PTPRD: variants seen among roughly 807,000 people sequenced by gnomAD.
The protein encoded by PTPRD is receptor-type tyrosine-protein phosphatase delta.
PTPRD carries 34 observed loss-of-function variants against 214.5 expected under a neutral mutation model. The ratio of observed to expected loss-of-function variants is 0.16; its 90% CI spans 0.12 to 0.21. PTPRD has a LOEUF of 0.21. PTPRD is among the 10% of genes least tolerant of loss of function. The probability of loss-of-function intolerance (pLI) is 1.00; values close to 1 mark genes in which losing one functional copy is unlikely to be tolerated. For missense variants in PTPRD, 2,545 were observed against 2,398.7 expected (o/e 1.06, Z -1.27); for synonymous variants, 1,128 against 845.7 (o/e 1.33, Z -5.79).
chr9:9,542,164 C>T (rs546927432), intron 8 of PTPRD, among the ~76,000 whole-genome samples: 1 of 151,758 alleles, frequency 6.6e-6, no homozygotes, highest in Admixed American at 6.6e-5. Context: ...CAATCTACTG[C>T]TATCAGGGAA....
chr9:9,439,043 T>C (rs1351543872), intron 8 of PTPRD, among the ~76,000 whole-genome samples: 3 of 152,172 alleles, frequency 2.0e-5, no homozygotes, highest in Admixed American at 1.3e-4. Context: ...CAATGTTCCA[T>C]AATCATTTTA....
chr9:9,333,504 T>TTTTATATATA (rs544075539), intron 9 of PTPRD, among the ~76,000 whole-genome samples: 4,072 of 137,180 alleles, frequency 0.03, 274 homozygotes, highest in African/African-American at 0.11. Context: ...ATATAGTATA[T>TTTTATATATA]TATATATATA....
chr9:10,456,069 CT>C lies in PTPRD; in HGVS notation c.-599-115053del, dbSNP rs2098914732. ...ACCAAGTAGAAAGAAGTCTTGTAGT[CT>C]TTGTCTATTACATAAAGATGAAATA... On this transcript the variant is annotated intron_variant, in intron 2 of 45. Coordinates refer to ENST00000381196, the MANE Select transcript of PTPRD (RefSeq NM_002839.4). Among the ~76,000 whole-genome samples, 3 of 151,782 alleles carry C rather than the reference CT, an allele frequency of 2.0e-5. No individual in the cohort carries two copies. The South Asian group carries it at 6.2e-4, about 31-fold the overall frequency.
chr9:9,863,857 C>G (rs947948471), intron 5 of PTPRD, among the ~76,000 whole-genome samples: 1 of 150,028 alleles, frequency 6.7e-6, no homozygotes, highest in Non-Finnish European at 1.5e-5. Flanking sequence ...AAAAGCAGTA[C>G]AAAGAAATGG....
intron 3 of PTPRD, among the ~76,000 whole-genome samples, chr9:10,115,901 A>G (rs1233213064): frequency 6.6e-6 from 1 of 152,114 alleles, no homozygotes; most frequent in Non-Finnish European, 1.5e-5. Flanking sequence ...AGTAAAAACA[A>G]AATCTCTTTT....
At chr9:9,106,209 A>AT (rs1234020609) in intron 10 of PTPRD, among the ~76,000 whole-genome samples, 3 of 152,044 alleles carry the variant, frequency 2.0e-5, no homozygotes, top group Non-Finnish European at 4.4e-5. Flanking sequence ...GTTGAATCCT[A>AT]TGAAACAGCC....
At chr9:9,320,556 C>T (rs1419144051) in intron 9 of PTPRD, among the ~76,000 whole-genome samples, 3 of 152,106 alleles carry the variant, frequency 2.0e-5, no homozygotes, top group African/African-American at 7.2e-5. Context: ...ACACACCAGT[C>T]CTTTACACCG....
intron 10 of PTPRD, among the ~76,000 whole-genome samples, chr9:9,027,837 G>T (rs1169772637): frequency 6.6e-6 from 1 of 151,858 alleles, no homozygotes; most frequent in Non-Finnish European, 1.5e-5. Flanking sequence ...TTATGTTATT[G>T]AATCATGCCC....
chr9:8,802,932 G>A (rs970614038), intron 11 of PTPRD, among the ~76,000 whole-genome samples: 15 of 151,998 alleles, frequency 9.9e-5, no homozygotes, highest in African/African-American at 3.6e-4. Flanking sequence ...CACACCTGTA[G>A]TCTCAGCTAC....
At chr9:8,340,971 A>C in intron 41 of PTPRD, 119 bp downstream of exon 41, 1 of 1,016,304 alleles carries the variant, frequency 9.8e-7, no homozygotes, top group Admixed American at 2.7e-5. Context: ...AAGGGACTAA[A>C]TGATGACCTA....
chr9:8,838,370 C>A (rs1272723078), intron 11 of PTPRD, among the ~76,000 whole-genome samples: 1 of 152,018 alleles, frequency 6.6e-6, no homozygotes, highest in African/African-American at 2.4e-5. Flanking sequence ...ATACCACAAC[C>A]ATATATCACT....
At chr9:9,479,210 C>A (rs536219272) in intron 8 of PTPRD, among the ~76,000 whole-genome samples, 2 of 58,730 alleles carry the variant, frequency 3.4e-5, no homozygotes, top group African/African-American at 1.4e-4. Flanking sequence ...TACATACACA[C>A]ACACGCCCCC....
intron 10 of PTPRD, among the ~76,000 whole-genome samples, chr9:9,087,452 G>A (rs1208830871): frequency 6.6e-6 from 1 of 152,168 alleles, no homozygotes; most frequent in African/African-American, 2.4e-5. Flanking sequence ...CTGTACTCCT[G>A]CATACTGAAG....
intron 8 of PTPRD, among the ~76,000 whole-genome samples, chr9:9,564,711 G>A (rs899371434): frequency 1.3e-5 from 2 of 151,876 alleles, no homozygotes; most frequent in African/African-American, 2.4e-5. Context: ...GTATTAATAT[G>A]TAACTCAAGA....
At chr9:8,697,385 G>C (rs72700377) in intron 12 of PTPRD, among the ~76,000 whole-genome samples, 4,124 of 147,412 alleles carry the variant, frequency 0.028, 119 homozygotes, top group East Asian at 0.094. Flanking sequence ...TTGTTGATTT[G>C]GGATTTTTTA....
chr9:9,790,846 T>G (rs1038925486), intron 5 of PTPRD, among the ~76,000 whole-genome samples: 1 of 138,928 alleles, frequency 7.2e-6, no homozygotes, highest in Non-Finnish European at 1.6e-5. Flanking sequence ...AAATATATTT[T>G]GAATAAATGA....
Position 10,085,708 on chromosome 9 carries a change from C to A in PTPRD, c.-544-51918G>T, listed in dbSNP as rs553563611. Among the ~76,000 whole-genome samples, 7 of 151,926 alleles carry A rather than the reference C, an allele frequency of 4.6e-5. No individual in the cohort carries two copies. In the South Asian group the frequency reaches 1.5e-3, roughly 31 times the overall value. ...GACACATACATGACACACACACACA[C>A]GCACAAAGGCAAAGATGGCTATTTG... On this transcript the variant is annotated intron_variant, in intron 3 of 45. Transcript: ENST00000381196.
intron 3 of PTPRD, among the ~76,000 whole-genome samples, chr9:10,229,807 C>G (rs2099602460): frequency 6.6e-6 from 1 of 151,756 alleles, no homozygotes; most frequent in East Asian, 2.0e-4. Context: ...ACATATGTAA[C>G]AAACCTGCAC....
At chr9:8,575,395 T>A (rs2092173750) in intron 14 of PTPRD, among the ~76,000 whole-genome samples, 1 of 152,152 alleles carries the variant, frequency 6.6e-6, no homozygotes, top group African/African-American at 2.4e-5. Flanking sequence ...TAAGAGTATA[T>A]CAAATGCATT....
Sources: gnomAD v4.1 joint callset for allele counts (sites outside exome capture counted in the v4.1 genomes callset) on GRCh38, gnomAD v4.1.1 for gene constraint, MANE v1.5 for transcripts, NCBI Gene and HGNC (gene_info 2026-07-23, HGNC 2026-07-21) for gene names.